The following ZNG1E variants were observed in gnomAD, a reference collection of about 807,000 sequenced individuals.
The protein encoded by ZNG1E is zinc-regulated GTPase metalloprotein activator 1E.
At chr9:65,667,432 A>G in the ZNG1E span, among the ~76,000 whole-genome samples, 3 of 152,280 alleles carry the variant, frequency 2.0e-5, no homozygotes, top group Non-Finnish European at 4.4e-5. Context: ...ATTAAAATAT[A>G]TTGAATTTGA....
At chr9:65,673,954 A>G in the ZNG1E span, among the ~76,000 whole-genome samples, 2 of 152,412 alleles carry the variant, frequency 1.3e-5, no homozygotes, top group East Asian at 1.9e-4. Flanking sequence ...AGGGACATCA[A>G]GCAAATAGTG....
chr9:65,708,243 C>A, the ZNG1E span: 1 of 146,482 alleles, frequency 6.8e-6, no homozygotes, highest in East Asian at 1.9e-4. Context: ...TATATTTAAA[C>A]CAAACCTAAT....
chr9:65,678,270 GTC>G, the ZNG1E span, among the ~76,000 whole-genome samples: 428 of 145,958 alleles, frequency 2.9e-3, no homozygotes, highest in African/African-American at 0.01. Flanking sequence ...ATTGCCCTAA[GTC>G]TCTCTCTTCC....
chr9:65,658,396 A>G, the ZNG1E span, among the ~76,000 whole-genome samples: 1,831 of 144,734 alleles, frequency 0.013, 2 homozygotes, highest in African/African-American at 0.049. Context: ...GAGCAAAAAT[A>G]TAGAAAATGA....
the ZNG1E span, among the ~76,000 whole-genome samples, chr9:65,687,203 A>C: frequency 7.2e-6 from 1 of 138,672 alleles, no homozygotes; most frequent in Non-Finnish European, 1.5e-5. Context: ...GTAGGATATT[A>C]ATTGGCCTAG....
the ZNG1E span, among the ~76,000 whole-genome samples, chr9:65,660,637 GAGA>G: frequency 2.0e-5 from 3 of 151,878 alleles, no homozygotes; most frequent in South Asian, 2.1e-4. Context: ...AGAAAGGCTA[GAGA>G]AGAAGCTTAC....
the ZNG1E span, chr9:65,679,630 C>G: frequency 1.5e-4 from 45 of 295,128 alleles, no homozygotes. Context: ...TCTCAGCTCA[C>G]TGCCACCTCT....
chr9:65,710,971 T>C, the ZNG1E span, among the ~76,000 whole-genome samples: 3 of 145,568 alleles, frequency 2.1e-5, no homozygotes, highest in African/African-American at 7.9e-5. Context: ...ACGATATTGA[T>C]TCTTCCTACC....
the ZNG1E span, among the ~76,000 whole-genome samples, chr9:65,724,718 GT>G: frequency 1.1e-5 from 1 of 88,424 alleles, no homozygotes; most frequent in African/African-American, 4.4e-5. Flanking sequence ...TCTCAATATA[GT>G]TTTCCAACTT....
chr9:65,672,510 C>G, the ZNG1E span, among the ~76,000 whole-genome samples: 1 of 150,868 alleles, frequency 6.6e-6, no homozygotes, highest in African/African-American at 2.4e-5. Context: ...CTTTAGGAGG[C>G]TAAGGTGGAT....
the ZNG1E span, chr9:65,704,498 A>G: frequency 1.7e-6 from 1 of 594,088 alleles, no homozygotes; most frequent in African/African-American, 6.4e-5. Flanking sequence ...GTTGGATTAG[A>G]ATCCGTTTCA....
the ZNG1E span, among the ~76,000 whole-genome samples, chr9:65,662,780 C>T: frequency 1.3e-5 from 2 of 151,878 alleles, no homozygotes; most frequent in African/African-American, 4.8e-5. Context: ...CCAAATGAAA[C>T]AGCATACTAT....
At chr9:65,684,999 AC>A in the ZNG1E span, among the ~76,000 whole-genome samples, 1 of 150,218 alleles carries the variant, frequency 6.7e-6, no homozygotes, top group Admixed American at 6.7e-5. Flanking sequence ...TCATGATTGC[AC>A]CACTGCACTC....
chr9:65,720,096 A>C, the ZNG1E span: 1 of 1,594,898 alleles, frequency 6.3e-7, no homozygotes, highest in Non-Finnish European at 8.5e-7. Context: ...TGATCAGGTA[A>C]AGAAAAAAAA....
At chr9:65,658,110 A>AC in the ZNG1E span, among the ~76,000 whole-genome samples, 125 of 134,870 alleles carry the variant, frequency 9.3e-4, no homozygotes, top group African/African-American at 3.6e-3. Context: ...AAAAAAAAAA[A>AC]AAAAAACTTA....
chr9:65,697,406 G>A, the ZNG1E span, among the ~76,000 whole-genome samples: 1 of 82,820 alleles, frequency 1.2e-5, no homozygotes, highest in Non-Finnish European at 2.7e-5. Flanking sequence ...CCCTGTGATT[G>A]TATATAAAAT....
chr9:65,728,913 A>G, the ZNG1E span, among the ~76,000 whole-genome samples: 3 of 147,994 alleles, frequency 2.0e-5, no homozygotes, highest in Non-Finnish European at 3.0e-5. Flanking sequence ...ACCAAAGAAG[A>G]AAACTACAGA....
the ZNG1E span, among the ~76,000 whole-genome samples, chr9:65,659,391 A>T: frequency 2.0e-5 from 3 of 151,554 alleles, no homozygotes; most frequent in East Asian, 5.8e-4. Context: ...GCTACTCAGA[A>T]GGCTGAGACA....
At chr9:65,684,945 C>A in the ZNG1E span, among the ~76,000 whole-genome samples, 7 of 151,828 alleles carry the variant, frequency 4.6e-5, no homozygotes, top group South Asian at 1.5e-3. Flanking sequence ...GTCCCAGCTA[C>A]TTGGGAGGAT....
Sources: gnomAD v4.1 joint callset for allele counts (sites outside exome capture counted in the v4.1 genomes callset) on GRCh38, gnomAD v4.1.1 for gene constraint, MANE v1.5 for transcripts, NCBI Gene and HGNC (gene_info 2026-07-23, HGNC 2026-07-21) for gene names.